The following TTC34 variants were observed in gnomAD, a reference collection of about 807,000 sequenced individuals.
TTC34 encodes tetratricopeptide repeat protein 34.
TTC34 carries 44 observed loss-of-function variants against 40.7 expected under a neutral mutation model. The observed-to-expected ratio is 1.08, with a 90% confidence interval of 0.85 to 1.39. The LOEUF is 1.39. Among genes scored for constraint, TTC34 ranks in the 40% most tolerant of loss-of-function variants. TTC34 has a pLI of 0.00. For synonymous variants in TTC34, 422 were observed against 398.6 expected (o/e 1.06, Z -0.70); for missense variants, 884 against 838.0 (o/e 1.05, Z -0.68).
At chr1:2,761,280 A>T (rs1641676780) in intron 6 of TTC34, among the ~76,000 whole-genome samples, 1 of 55,820 alleles carries the variant, frequency 1.8e-5, no homozygotes, top group Admixed American at 1.7e-4. Context: ...GGCAGCACCC[A>T]CTCCCGCAGG....
At chr1:2,750,484 C>A (rs1321225609) in intron 6 of TTC34, among the ~76,000 whole-genome samples, 1,091 of 104,158 alleles carry the variant, frequency 0.01, 325 homozygotes, top group African/African-American at 0.048. Flanking sequence ...AGCACCCACA[C>A]CCCCAGTTGA....
chr1:2,776,035 C>T (rs970833627), intron 6 of TTC34: 1 of 128,082 alleles, frequency 7.8e-6, no homozygotes, highest in African/African-American at 3.6e-5. Context: ...CGGAACAACA[C>T]CCTCCACCCC....
chr1:2,698,817 G>C (rs1379626036), intron 6 of TTC34, among the ~76,000 whole-genome samples: 2 of 92,856 alleles, frequency 2.2e-5, no homozygotes, highest in Admixed American at 1.2e-4. Context: ...ACCCACAGGT[G>C]AGCATCTCAC....
At chr1:2,753,335 C>G (rs1641390268) in intron 6 of TTC34, among the ~76,000 whole-genome samples, 25 of 123,168 alleles carry the variant, frequency 2.0e-4, no homozygotes, top group Non-Finnish European at 3.3e-4. Flanking sequence ...ATCACCCACA[C>G]CCCCAGACGA....
chr1:2,790,767 GAGCTGA>G (rs1334658937), intron 2 of TTC34, among the ~76,000 whole-genome samples: 1 of 152,242 alleles, frequency 6.6e-6, no homozygotes, highest in Non-Finnish European at 1.5e-5. Context: ...TCCCAGGGCA[GAGCTGA>G]AGCTCCAACT....
chr1:2,651,072 C>A (rs1423481698), intron 6 of TTC34, among the ~76,000 whole-genome samples: 1 of 151,160 alleles, frequency 6.6e-6, no homozygotes. Flanking sequence ...GTCACACCCC[C>A]AGGTAAGCAT....
exon 9 of TTC34, chr1:2,638,267 G>A (rs1638829094): frequency 6.6e-6 from 1 of 152,158 alleles, no homozygotes; most frequent in Non-Finnish European, 1.5e-5. Context: ...CACACACGGA[G>A]ACCTGGGAAC....
In TTC34 at chr1:2,688,561, G is replaced by C. The variant is rs1413048636; in HGVS notation, c.2227-42998C>G. On this transcript the variant is annotated intron_variant, in intron 6 of 8. Transcript: ENST00000401095. Reference sequence around the variant, plus strand: ...GGCGAGCACCTGAACCCACGGAGCAGCACCCACACCTTCCGGCGCGCATCC... The same window carrying C: ...GGCGAGCACCTGAACCCACGGAGCACCACCCACACCTTCCGGCGCGCATCC... Among the ~76,000 whole-genome samples, 7 of 138,018 alleles carry C rather than the reference G, an allele frequency of 5.1e-5. 1 individual carries two copies. The highest frequency in any genetic ancestry group is 2.2e-4 in the African/African-American group (7 of 32,326). The allele number at this position is 138,018 out of a possible 152,430, so 90.5% of individuals were successfully genotyped here.
chr1:2,683,834 C>A (rs113153508), intron 6 of TTC34, among the ~76,000 whole-genome samples: 785 of 150,848 alleles, frequency 5.2e-3, no homozygotes, highest in African/African-American at 0.019. Context: ...GCACCCACAC[C>A]CCCAGGTGAA....
intron 6 of TTC34, among the ~76,000 whole-genome samples, chr1:2,648,711 C>G (rs1639068058): frequency 6.6e-6 from 1 of 150,532 alleles, no homozygotes; most frequent in African/African-American, 2.5e-5. Context: ...CCCACACCCA[C>G]AGGTGAGCAT....
chr1:2,675,055 C>G (rs1448952262), intron 6 of TTC34, among the ~76,000 whole-genome samples: 1 of 117,284 alleles, frequency 8.5e-6, no homozygotes, highest in Non-Finnish European at 2.0e-5. Context: ...AGGTGAGCAT[C>G]GGAGAGTCAG....
intron 6 of TTC34, among the ~76,000 whole-genome samples, chr1:2,753,209 C>T (rs1641384398): frequency 2.9e-4 from 18 of 62,900 alleles, no homozygotes; most frequent in African/African-American, 1.1e-3. Context: ...GCAGCAGCAC[C>T]CCACACCCAC....
intron 6 of TTC34, among the ~76,000 whole-genome samples, chr1:2,675,381 A>T (rs1570788237): frequency 8.9e-6 from 1 of 111,982 alleles, no homozygotes; most frequent in African/African-American, 3.6e-5. Flanking sequence ...AGCCTCTGAC[A>T]GCCTGGAACA....
intron 6 of TTC34, among the ~76,000 whole-genome samples, chr1:2,691,610 A>T (rs1186459446): frequency 0.012 from 1,109 of 91,280 alleles, no homozygotes; most frequent in Middle Eastern, 0.025. Flanking sequence ...ACAGCCTGGA[A>T]CAGCACCCTG....
chr1:2,783,138 CA>C (rs1284094015), intron 6 of TTC34, among the ~76,000 whole-genome samples: 2 of 152,192 alleles, frequency 1.3e-5, no homozygotes, highest in African/African-American at 4.8e-5. Flanking sequence ...AAGCTCAGAT[CA>C]GGGTCCGGGG....
intron 5 of TTC34, among the ~76,000 whole-genome samples, chr1:2,784,766 TTATCTC>T (rs1450927099): frequency 2.0e-5 from 3 of 152,276 alleles, no homozygotes; most frequent in Non-Finnish European, 2.9e-5. Context: ...TAATTGTTCA[TTATCTC>T]TATATCTAAT....
At chr1:2,799,688 G>A (rs1449678238) in intron 2 of TTC34, among the ~76,000 whole-genome samples, 2 of 152,072 alleles carry the variant, frequency 1.3e-5, no homozygotes, top group African/African-American at 4.8e-5. Flanking sequence ...CCTTCCCTCC[G>A]ACAGTCGCCC....
chr1:2,652,333 T>G (rs953034077), intron 6 of TTC34, among the ~76,000 whole-genome samples: 108 of 19,882 alleles, frequency 5.4e-3, no homozygotes, highest in Middle Eastern at 0.045. Flanking sequence ...CACCCCCAGG[T>G]GAGCATCTGA....
rs1349512222 is a variant in TTC34 at position 2,750,020 on chromosome 1, C to T, written c.2226+33589G>A. On this transcript the variant is annotated intron_variant, in intron 6 of 8. Coordinates refer to ENST00000401095, the Ensembl canonical transcript of TTC34. The stretch of plus-strand genomic sequence containing the variant: ...GCACCCACATCCCCAGGCGAGCATC[C>T]GACAGCCTGGAGCAGCACCCACACC... Among the ~76,000 whole-genome samples the T allele has an allele frequency of 2.5e-3, 65 of 25,674 alleles. 12 individuals are homozygous for T. Among genetic ancestry groups the T allele is most frequent in the African/African-American group, 9.7e-3 (55 of 5,684 alleles). The allele number at this position is 25,674 out of a possible 152,430, so 16.8% of individuals were successfully genotyped here.
Sources: allele counts gnomAD v4.1 joint callset (sites outside exome capture counted in the v4.1 genomes callset), GRCh38; gene constraint gnomAD v4.1.1; transcripts MANE v1.5; gene names NCBI Gene and HGNC (gene_info 2026-07-23, HGNC 2026-07-21).